The following LINGO2 variants were observed in gnomAD, a reference collection of about 807,000 sequenced individuals.
The protein encoded by LINGO2 is leucine-rich repeat and immunoglobulin-like domain-containing nogo receptor-interacting protein 2.
Under a neutral mutation model 30.6 loss-of-function variants are expected in LINGO2, and 14 were observed. The ratio of observed to expected loss-of-function variants is 0.46; its 90% CI spans 0.30 to 0.72. The LOEUF is 0.72. Ranked by LOEUF, LINGO2 falls within the 30% of genes least tolerant of loss-of-function variation. The probability of loss-of-function intolerance (pLI) is 0.07; values close to 1 mark genes in which losing one functional copy is unlikely to be tolerated. For synonymous variants in LINGO2, 317 were observed against 288.5 expected (o/e 1.10, Z -1.00); for missense variants, 729 against 751.7 (o/e 0.97, Z 0.35).
At chr9:28,507,848 T>C (rs562501704) in intron 1 of LINGO2, among the ~76,000 whole-genome samples, 15 of 152,186 alleles carry the variant, frequency 9.9e-5, no homozygotes, top group African/African-American at 3.6e-4. Flanking sequence ...ACTGCAAAAC[T>C]AGCATAAGTA....
intron 2 of LINGO2, among the ~76,000 whole-genome samples, chr9:28,472,320 G>T (rs1331652901): frequency 6.9e-6 from 1 of 145,654 alleles, no homozygotes; most frequent in African/African-American, 2.5e-5. Flanking sequence ...TTGACTTCAA[G>T]TTTTTTTTTT....
chr9:28,764,397 TA>T, the LINGO2 span, among the ~76,000 whole-genome samples: 1 of 151,896 alleles, frequency 6.6e-6, no homozygotes, highest in Non-Finnish European at 1.5e-5. Flanking sequence ...TACAAAAGAT[TA>T]AAACTACATG....
rs555520967 is a variant in LINGO2, at chr9:28,056,383, C to G, written c.-86-43978G>C. Among the ~76,000 whole-genome samples the G allele has an allele frequency of 1.3e-4, 20 of 152,220 alleles. No individual in the cohort carries two copies. In the East Asian group the frequency reaches 3.9e-3, roughly 29 times the overall value. On this transcript the variant is annotated intron_variant, in intron 4 of 5. Coordinates refer to ENST00000379992, the Ensembl canonical transcript of LINGO2. ...CTCCAGTGGTATATTCAGTAGATCA[C>G]GACCCTCATTCTTTCAGCCTCCATC...
At chr9:27,957,607 T>C (rs1006059924) in intron 5 of LINGO2, among the ~76,000 whole-genome samples, 1 of 152,220 alleles carries the variant, frequency 6.6e-6, no homozygotes, top group South Asian at 2.1e-4. Context: ...TAGCTTTTTA[T>C]CATCAGTTTA....
chr9:28,455,603 C>A (rs1198131301), intron 2 of LINGO2, among the ~76,000 whole-genome samples: 1 of 152,016 alleles, frequency 6.6e-6, no homozygotes, highest in African/African-American at 2.4e-5. Context: ...GAGAAGGGAC[C>A]ACATGAAGAG....
the LINGO2 span, among the ~76,000 whole-genome samples, chr9:28,685,942 T>G: frequency 6.6e-6 from 1 of 151,816 alleles, no homozygotes; most frequent in Non-Finnish European, 1.5e-5. Flanking sequence ...GAGTAGTGTG[T>G]GGGTGCATGA....
At chr9:29,100,191 G>T in the LINGO2 span, among the ~76,000 whole-genome samples, 1 of 152,182 alleles carries the variant, frequency 6.6e-6, no homozygotes, top group East Asian at 1.9e-4. Context: ...AGTTGAACTC[G>T]TGGATATAGA....
chr9:29,189,242 C>T, the LINGO2 span, among the ~76,000 whole-genome samples: 2 of 150,842 alleles, frequency 1.3e-5, no homozygotes, highest in Non-Finnish European at 3.0e-5. Flanking sequence ...CCCCTCACCT[C>T]CCGGACGGGG....
At chr9:28,653,921 A>T (rs999267902) in intron 1 of LINGO2, among the ~76,000 whole-genome samples, 4 of 152,162 alleles carry the variant, frequency 2.6e-5, no homozygotes, top group African/African-American at 9.6e-5. Context: ...TCTATGTATT[A>T]TAAAACAACA....
At chr9:28,932,843 C>T in the LINGO2 span, among the ~76,000 whole-genome samples, 9 of 152,090 alleles carry the variant, frequency 5.9e-5, no homozygotes, top group African/African-American at 9.6e-5. Flanking sequence ...CTAATTACTA[C>T]GCTTATATAT....
chr9:29,156,435 A>G, the LINGO2 span, among the ~76,000 whole-genome samples: 181 of 152,240 alleles, frequency 1.2e-3, 1 homozygote, highest in Non-Finnish European at 2.3e-3. Flanking sequence ...GCTTTAGGCA[A>G]GAAAATAAGA....
At chr9:28,752,109 A>T in the LINGO2 span, among the ~76,000 whole-genome samples, 1 of 152,202 alleles carries the variant, frequency 6.6e-6, no homozygotes, top group East Asian at 1.9e-4. Flanking sequence ...ATAAGTCTTA[A>T]GACATGTATT....
At chr9:27,979,420 G>T (rs145817503) in intron 5 of LINGO2, among the ~76,000 whole-genome samples, 1 of 151,924 alleles carries the variant, frequency 6.6e-6, no homozygotes, top group African/African-American at 2.4e-5. Context: ...TGCTTCACTT[G>T]GTGATCCAGG....
the LINGO2 span, among the ~76,000 whole-genome samples, chr9:29,149,832 C>T: frequency 6.6e-6 from 1 of 152,348 alleles, no homozygotes; most frequent in Non-Finnish European, 1.5e-5. Context: ...CTGAGTAGCT[C>T]TAACCTGAGC....
intron 2 of LINGO2, among the ~76,000 whole-genome samples, chr9:28,378,279 C>T (rs1264126065): frequency 3.3e-5 from 5 of 152,154 alleles, no homozygotes; most frequent in Admixed American, 1.3e-4. Flanking sequence ...TTAGTTCTAT[C>T]TTTAATTGTG....
At chr9:28,265,335 T>C (rs1443535048) in intron 4 of LINGO2, among the ~76,000 whole-genome samples, 2 of 151,896 alleles carry the variant, frequency 1.3e-5, no homozygotes, top group Non-Finnish European at 2.9e-5. Context: ...CATAGCTCCT[T>C]TCTAAATGTT....
chr9:28,515,028 T>A (rs1377975594), intron 1 of LINGO2, among the ~76,000 whole-genome samples: 1 of 152,020 alleles, frequency 6.6e-6, no homozygotes, highest in African/African-American at 2.4e-5. Flanking sequence ...CCACTCAGAA[T>A]AAAAGATTCC....
the LINGO2 span, among the ~76,000 whole-genome samples, chr9:29,192,817 G>A: frequency 1.3e-5 from 2 of 152,168 alleles, no homozygotes; most frequent in Non-Finnish European, 2.9e-5. Flanking sequence ...TAGTCCCATG[G>A]TTCTGCAGTT....
intron 1 of LINGO2, among the ~76,000 whole-genome samples, chr9:28,545,321 A>G (rs759659109): frequency 1.3e-5 from 2 of 152,090 alleles, no homozygotes; most frequent in Non-Finnish European, 2.9e-5. Context: ...GTGAAGGAGT[A>G]ATGATTACTA....
Sources: gnomAD v4.1 joint callset for allele counts (sites outside exome capture counted in the v4.1 genomes callset) on GRCh38, gnomAD v4.1.1 for gene constraint, MANE v1.5 for transcripts, NCBI Gene and HGNC (gene_info 2026-07-23, HGNC 2026-07-21) for gene names.